Variants in PRKD1 observed in about 807,000 individuals in gnomAD.
The protein encoded by PRKD1 is serine/threonine-protein kinase D1.
In PRKD1, 63 loss-of-function variants were observed where a neutral mutation model predicts 95.9. That is an observed-to-expected ratio of 0.66 (90% CI 0.54 to 0.81). The LOEUF is 0.81. Ranked by LOEUF, PRKD1 falls within the 30% of genes least tolerant of loss-of-function variation. The pLI, the probability that PRKD1 is intolerant of heterozygous loss-of-function variation, is 0.00. For synonymous variants in PRKD1, 425 were observed against 423.1 expected (o/e 1.00, Z -0.05); for missense variants, 1,048 against 1,165.3 (o/e 0.90, Z 1.47).
intron 1 of PRKD1, among the ~76,000 whole-genome samples, chr14:29,783,009 T>A (rs533082698): frequency 5.9e-5 from 9 of 152,242 alleles, no homozygotes; most frequent in Non-Finnish European, 1.2e-4. Flanking sequence ...GTTAGGAACA[T>A]TTCAAATGTT....
chr14:29,632,519 A>G (rs181965376), intron 9 of PRKD1, among the ~76,000 whole-genome samples: 57 of 152,276 alleles, frequency 3.7e-4, no homozygotes, highest in Non-Finnish European at 6.9e-4. Context: ...TGCTAGATGC[A>G]GTGGATATCA....
chr14:29,767,605 C>T (rs1170499498), intron 1 of PRKD1, among the ~76,000 whole-genome samples: 1 of 152,130 alleles, frequency 6.6e-6, no homozygotes, highest in Non-Finnish European at 1.5e-5. Flanking sequence ...ATTCCTCATT[C>T]CATTTTAGCC....
At chr14:29,874,765 C>G (rs1191043820) in intron 1 of PRKD1, among the ~76,000 whole-genome samples, 1 of 152,036 alleles carries the variant, frequency 6.6e-6, no homozygotes, top group Non-Finnish European at 1.5e-5. Context: ...TATGTTCTCA[C>G]TCATAAGAGT....
intron 13 of PRKD1, among the ~76,000 whole-genome samples, chr14:29,608,280 A>G (rs1342649795): frequency 6.6e-6 from 1 of 152,154 alleles, no homozygotes; most frequent in Non-Finnish European, 1.5e-5. Context: ...AAATTAAAGA[A>G]CAAAAGGATA....
At chr14:29,866,844 C>T (rs545750625) in intron 1 of PRKD1, among the ~76,000 whole-genome samples, 7 of 152,180 alleles carry the variant, frequency 4.6e-5, no homozygotes, top group East Asian at 1.9e-4. Context: ...TTGTGAGCAC[C>T]GGATTTTGTT....
At chr14:29,920,973 T>G (rs907190699) in intron 1 of PRKD1, among the ~76,000 whole-genome samples, 2 of 152,210 alleles carry the variant, frequency 1.3e-5, no homozygotes, top group Non-Finnish European at 2.9e-5. Context: ...TTCCTTCTCA[T>G]GTATCAAGCG....
intron 1 of PRKD1, among the ~76,000 whole-genome samples, chr14:29,899,740 C>T (rs988177380): frequency 2.0e-5 from 3 of 152,160 alleles, no homozygotes; most frequent in African/African-American, 7.2e-5. Flanking sequence ...ATGAATGTGT[C>T]ATCATAACTA....
At chr14:29,668,788 T>C (rs1400421900) in intron 2 of PRKD1, among the ~76,000 whole-genome samples, 1 of 152,196 alleles carries the variant, frequency 6.6e-6, no homozygotes. Context: ...GGGAGAAGCA[T>C]AAACTCTTGC....
intron 1 of PRKD1, among the ~76,000 whole-genome samples, chr14:29,814,768 T>C (rs1422256396): frequency 6.6e-6 from 1 of 152,242 alleles, no homozygotes; most frequent in East Asian, 1.9e-4. Context: ...ACCTTGAATC[T>C]GTTCTCTTCT....
At chr14:29,916,980 T>C (rs10132999) in intron 1 of PRKD1, among the ~76,000 whole-genome samples, 3,590 of 152,198 alleles carry the variant, frequency 0.024, 149 homozygotes, top group African/African-American at 0.082. Flanking sequence ...CTCCCTGGTC[T>C]AACCCAAGAG....
intron 1 of PRKD1, among the ~76,000 whole-genome samples, chr14:29,736,307 A>G (rs1566570380): frequency 6.6e-6 from 1 of 152,242 alleles, no homozygotes; most frequent in Non-Finnish European, 1.5e-5. Flanking sequence ...TTCTGCCTAA[A>G]TAGAAACTAT....
intron 1 of PRKD1, among the ~76,000 whole-genome samples, chr14:29,770,706 C>A (rs1888462363): frequency 6.6e-6 from 1 of 152,090 alleles, no homozygotes; most frequent in South Asian, 2.1e-4. Context: ...GTGACTCACA[C>A]CTGTAATCCC....
intron 13 of PRKD1, 139 bp from the exon 14 acceptor site, chr14:29,599,956 C>T (rs923965640): frequency 1.7e-6 from 1 of 588,640 alleles, no homozygotes; most frequent in African/African-American, 1.9e-5. Flanking sequence ...CTACATTCCA[C>T]ATGTGCTGCC....
chr14:29,923,428 G>A lies in PRKD1; in HGVS notation c.264+3821C>T, dbSNP rs143531097. Among the ~76,000 whole-genome samples, 208 of 152,020 alleles carry A rather than the reference G, an allele frequency of 1.4e-3. 3 individuals are homozygous for A. In the South Asian group the frequency reaches 0.015, roughly 11 times the overall value. On this transcript the variant is annotated intron_variant, in intron 1 of 17. Coordinates refer to ENST00000331968, the MANE Select transcript of PRKD1 (RefSeq NM_002742.3). Reference sequence around the variant, plus strand: ...ATTGATCAAGCACCTAATTACTTTCGGCTTTCTCAATCTATGTGGAATGTG... The same window carrying A: ...ATTGATCAAGCACCTAATTACTTTCAGCTTTCTCAATCTATGTGGAATGTG...
intron 13 of PRKD1, among the ~76,000 whole-genome samples, chr14:29,609,667 A>G (rs1431821946): frequency 9.9e-5 from 15 of 150,926 alleles, no homozygotes; most frequent in Admixed American, 6.6e-4. Flanking sequence ...CAGCCTCCCA[A>G]GTAGCTGGGA....
intron 1 of PRKD1, among the ~76,000 whole-genome samples, chr14:29,769,561 G>GA (rs1566589962): frequency 6.6e-6 from 1 of 151,714 alleles, no homozygotes; most frequent in East Asian, 1.9e-4. Flanking sequence ...CCAGTCTCCC[G>GA]AAAAAAATAA....
chr14:29,648,517 A>C (rs1349436851), intron 4 of PRKD1, among the ~76,000 whole-genome samples: 7 of 152,230 alleles, frequency 4.6e-5, no homozygotes, highest in African/African-American at 7.2e-5. Flanking sequence ...ACAACCATTC[A>C]CTAAAAAGTG....
chr14:29,844,683 G>A (rs1892010550), intron 1 of PRKD1, among the ~76,000 whole-genome samples: 1 of 152,154 alleles, frequency 6.6e-6, no homozygotes, highest in Non-Finnish European at 1.5e-5. Flanking sequence ...CAGGATAACA[G>A]ATGATCGATA....
intron 2 of PRKD1, among the ~76,000 whole-genome samples, chr14:29,674,325 GT>G (rs1883033175): frequency 6.6e-6 from 1 of 152,178 alleles, no homozygotes; most frequent in African/African-American, 2.4e-5. Flanking sequence ...CCTATCTACT[GT>G]TCTGGTTAAC....
Sources: gnomAD v4.1 joint callset for allele counts (sites outside exome capture counted in the v4.1 genomes callset) on GRCh38, gnomAD v4.1.1 for gene constraint, MANE v1.5 for transcripts, NCBI Gene and HGNC (gene_info 2026-07-23, HGNC 2026-07-21) for gene names.